FARS2: variants seen among roughly 807,000 people sequenced by gnomAD.
FARS2 encodes the protein phenylalanyl-tRNA synthetase 2, mitochondrial, also known as phenylalanine--tRNA ligase, mitochondrial.
FARS2 carries 40 observed loss-of-function variants against 46.4 expected under a neutral mutation model. That is an observed-to-expected ratio of 0.86 (90% confidence interval 0.67 to 1.12). FARS2 has a LOEUF of 1.12. Among genes scored for constraint, FARS2 ranks in the 50% most tolerant of loss-of-function variants. The pLI is 0.00. For missense variants in FARS2, 513 were observed against 567.9 expected, an observed-to-expected ratio of 0.90 and a Z score of 0.98; for synonymous variants, 234 against 214.9, an observed-to-expected ratio of 1.09 and a Z score of -0.78.
intron 1 of FARS2, among the ~76,000 whole-genome samples, chr6:5,354,767 C>T (rs1757809220): frequency 6.6e-6 from 1 of 152,126 alleles, no homozygotes; most frequent in Non-Finnish European, 1.5e-5. Context: ...CCTGCCTCGG[C>T]CTCCCAAAGT....
intron 6 of FARS2, among the ~76,000 whole-genome samples, chr6:5,648,795 G>T (rs368498201): frequency 6.6e-6 from 1 of 151,774 alleles, no homozygotes. Context: ...AAAATATTAC[G>T]TATTAGCACA....
At chr6:5,371,233 T>C in intron 2 of FARS2, 1 of 953,834 alleles carries the variant, frequency 1.0e-6, no homozygotes, top group South Asian at 4.8e-5. Context: ...TCAACTAAAG[T>C]GTTGGTACTA....
At chr6:5,444,274 C>G (rs1259306821) in intron 4 of FARS2, among the ~76,000 whole-genome samples, 1 of 151,936 alleles carries the variant, frequency 6.6e-6, no homozygotes, top group Non-Finnish European at 1.5e-5. Context: ...CGCGACCAGC[C>G]TGACCAACAT....
chr6:5,592,721 C>A (rs1187174924), intron 5 of FARS2, among the ~76,000 whole-genome samples: 1 of 152,222 alleles, frequency 6.6e-6, no homozygotes, highest in Non-Finnish European at 1.5e-5. Flanking sequence ...AGGCAGCAGA[C>A]GCCGTCTCTG....
chr6:5,499,366 A>G (rs1319075739), intron 4 of FARS2, among the ~76,000 whole-genome samples: 1 of 152,226 alleles, frequency 6.6e-6, no homozygotes, highest in East Asian at 1.9e-4. Context: ...TGTTTCCTTC[A>G]TGAGACGCAG....
chr6:5,613,348 C>T (rs1775292987), intron 6 of FARS2, 28 bp downstream of exon 6: 1 of 1,598,488 alleles, frequency 6.3e-7, no homozygotes, highest in Non-Finnish European at 8.5e-7. Context: ...TGATTTTACC[C>T]TTGACTATCT....
intron 4 of FARS2, among the ~76,000 whole-genome samples, chr6:5,535,014 T>C (rs945790463): frequency 1.1e-4 from 16 of 152,324 alleles, no homozygotes; most frequent in East Asian, 1.9e-4. Context: ...TTTCTCCACA[T>C]CCTTCTCAAC....
chr6:5,737,494 G>T (rs1383156363), intron 6 of FARS2, among the ~76,000 whole-genome samples: 1 of 152,254 alleles, frequency 6.6e-6, no homozygotes, highest in Non-Finnish European at 1.5e-5. Flanking sequence ...TTGTGCCACT[G>T]CAGTCCAGCC....
intron 5 of FARS2, among the ~76,000 whole-genome samples, chr6:5,592,540 T>C (rs1234468773): frequency 5.3e-5 from 8 of 152,176 alleles, no homozygotes; most frequent in Admixed American, 2.0e-4. Flanking sequence ...GATCTTACAG[T>C]AGAAAATTCA....
intron 2 of FARS2, among the ~76,000 whole-genome samples, chr6:5,389,759 A>T (rs1760372343): frequency 6.6e-6 from 1 of 152,222 alleles, no homozygotes; most frequent in Admixed American, 6.5e-5. Context: ...TAGTTTGAAA[A>T]TGTTACATCT....
intron 6 of FARS2, among the ~76,000 whole-genome samples, chr6:5,714,308 A>G (rs1255753285): frequency 6.6e-6 from 1 of 152,210 alleles, no homozygotes; most frequent in Non-Finnish European, 1.5e-5. Flanking sequence ...AACAGCACAC[A>G]GCTGCCTCCA....
At chr6:5,478,349 A>G (rs138311342) in intron 4 of FARS2, among the ~76,000 whole-genome samples, 3 of 152,334 alleles carry the variant, frequency 2.0e-5, no homozygotes, top group Non-Finnish European at 4.4e-5. Context: ...TTTCACTTGT[A>G]TGATGCTTTT....
the FARS2 span, among the ~76,000 whole-genome samples, chr6:5,255,601 G>C: frequency 1.3e-5 from 2 of 152,094 alleles, no homozygotes; most frequent in East Asian, 3.9e-4. Flanking sequence ...CAGTTAAGTT[G>C]AAGAACCACA....
intron 2 of FARS2, among the ~76,000 whole-genome samples, chr6:5,389,799 T>C (rs1335108673): frequency 6.6e-6 from 1 of 152,212 alleles, no homozygotes; most frequent in Non-Finnish European, 1.5e-5. Flanking sequence ...GAAACAAAGC[T>C]TTCTGAATTC....
chr6:5,682,269 A>G (rs1159153550), intron 6 of FARS2, among the ~76,000 whole-genome samples: 1 of 152,248 alleles, frequency 6.6e-6, no homozygotes, highest in African/African-American at 2.4e-5. Flanking sequence ...ATGTAAAAAT[A>G]TACATTTGTA....
intron 4 of FARS2, among the ~76,000 whole-genome samples, chr6:5,464,928 G>C (rs1385009105): frequency 6.6e-6 from 1 of 152,210 alleles, no homozygotes; most frequent in African/African-American, 2.4e-5. Context: ...TCCTTGAAGA[G>C]AACAACTAGA....
At chr6:5,720,678 C>CG (rs1759832660) in intron 6 of FARS2, among the ~76,000 whole-genome samples, 1 of 152,118 alleles carries the variant, frequency 6.6e-6, no homozygotes, top group African/African-American at 2.4e-5. Context: ...TTGAGGACCC[C>CG]AGAGAGTTTT....
intron 3 of FARS2, among the ~76,000 whole-genome samples, chr6:5,415,061 C>G (rs996457758): frequency 6.6e-6 from 1 of 151,746 alleles, no homozygotes; most frequent in African/African-American, 2.4e-5. Flanking sequence ...TCATGATGCA[C>G]CTGCCTTGGC....
At chr6:5,551,436 A>G (rs1005223875) in intron 5 of FARS2, among the ~76,000 whole-genome samples, 2 of 152,174 alleles carry the variant, frequency 1.3e-5, no homozygotes, top group African/African-American at 4.8e-5. Context: ...ATATTTCTAC[A>G]AGAGTCTCTT....
Sources: allele counts gnomAD v4.1 joint callset (sites outside exome capture counted in the v4.1 genomes callset), GRCh38; gene constraint gnomAD v4.1.1; transcripts MANE v1.5; gene names NCBI Gene and HGNC (gene_info 2026-07-23, HGNC 2026-07-21).